SORL1: variants seen among roughly 807,000 people sequenced by gnomAD.
SORL1 encodes sortilin-related receptor.
Under a neutral mutation model 273.7 loss-of-function variants are expected in SORL1, and 127 were observed. That is an observed-to-expected ratio of 0.46 (90% confidence interval 0.40 to 0.54). The LOEUF is 0.54. SORL1 is among the 20% of genes least tolerant of loss of function. The pLI is 0.00. For synonymous variants in SORL1, 1,031 were observed against 1,067.4 expected (o/e 0.97, Z 0.66); for missense variants, 2,494 against 2,846.1 (o/e 0.88, Z 2.81).
In SORL1 at chr11:121,554,008, G is replaced by T; in HGVS notation, c.2338G>T (p.Glu780Ter). 1 of 1,614,164 alleles carries T rather than the reference G, an allele frequency of 6.2e-7. No individual in the cohort carries two copies. Among genetic ancestry groups the T allele is most frequent in the Non-Finnish European group, 8.5e-7 (1 of 1,180,002 alleles). ...CTATGACCTGGCCTCGGGAGCCACC[G>T]AGCAGTTGCCTCTCACCGGGCTACG... The part of the protein sequence containing the change: ...YRYDLASGAT[E>*]QLPLTGLRAA... The change falls in exon 17 of 48, where the codon GAG becomes TAG. Residue 780 changes from glutamate (E) to a stop codon, truncating the protein, a stop_gained. Coordinates refer to ENST00000260197, the MANE Select transcript of SORL1 (RefSeq NM_003105.6). LOFTEE classifies it high-confidence loss of function. The surrounding 1 kb of genome is among the most constrained non-coding windows in gnomAD (Gnocchi z 4.6).
At chr11:121,524,956 C>CT (rs1257891211) in intron 11 of SORL1, among the ~76,000 whole-genome samples, 6 of 151,562 alleles carry the variant, frequency 4.0e-5, no homozygotes, top group Non-Finnish European at 7.4e-5. Flanking sequence ...TTATTTTTAG[C>CT]TTTTTTCTGT....
chr11:121,626,527 G>C (rs1380005278), intron 46 of SORL1: 1 of 152,038 alleles, frequency 6.6e-6, no homozygotes, highest in East Asian at 1.9e-4. Context: ...TGTTAGATTA[G>C]GTTTGCAAGA....
rs759776103 is a variant in SORL1, at chr11:121,550,633, G to A, written c.2229G>A (p.Ala743=). Residue 743 remains alanine (A), a synonymous_variant, in exon 16 of 48, where the codon GCG becomes GCA. Coordinates refer to ENST00000260197, the MANE Select transcript of SORL1 (RefSeq NM_003105.6). The surrounding 1 kb of genome is among the most constrained non-coding windows in gnomAD (Gnocchi z 5.3). ...GDTCSGGDVE[A]RLEGELVPCP... is the part of the protein sequence containing the mutation. ...CTTGTAGCGGAGGAGATGTTGAAGCGCGACTGGAAGGAGAGCTGGTCCCCT... is the reference window on the plus strand; with the variant it reads ...CTTGTAGCGGAGGAGATGTTGAAGCACGACTGGAAGGAGAGCTGGTCCCCT... 26 of 1,614,032 alleles carry A rather than the reference G, an allele frequency of 1.6e-5. No individual in the cohort carries two copies. The Admixed American group carries it at 1.7e-4, about 10-fold the overall frequency.
rs887640233 is a variant in SORL1 at position 121,627,477 on chromosome 11, G to T, written c.6365-78G>T. 3.3e-5 allele frequency: 39 copies of T among 1,194,380 alleles called. No individual in the cohort carries two copies. The highest frequency in any genetic ancestry group is 4.7e-5 in the Non-Finnish European group (38 of 812,182). The allele number at this position is 1,194,380 out of a possible 1,614,324, so 74.0% of individuals were successfully genotyped here. The stretch of plus-strand genomic sequence containing the variant: ...TGGCTATCGCCCAGCTTTTTTTGGT[G>T]GGTGGGGCCTTGAGGAGTCATCTGG... On this transcript the variant is annotated intron_variant, in intron 46 of 47. Transcript: ENST00000260197. This position sits in a 1 kb window ranked among gnomAD's most constrained non-coding sequence, Gnocchi z 4.9.
intron 6 of SORL1, 149 bp downstream of exon 6, chr11:121,497,198 A>G: frequency 5.7e-6 from 4 of 702,196 alleles, no homozygotes; most frequent in Non-Finnish European, 9.4e-6. Context: ...CATTGACAAC[A>G]TTGACGAACA....
Position 121,550,529 on chromosome 11 carries a change from C to A in SORL1, c.2181-56C>A. 1 of 1,477,184 alleles carries A rather than the reference C, an allele frequency of 6.8e-7. No homozygotes were observed. Among genetic ancestry groups the A allele is most frequent in the Non-Finnish European group, 9.5e-7 (1 of 1,055,958 alleles). The allele number at this position is 1,477,184 out of a possible 1,614,324, so 91.5% of individuals were successfully genotyped here. ...AGTAAGTGTATTCCCAGCTGGGATG[C>A]CTTTGTGGCTATTCTTCCATGTTTC... On this transcript the variant is annotated intron_variant, in intron 15 of 47. Transcript: ENST00000260197. The surrounding 1 kb of genome is among the most constrained non-coding windows in gnomAD (Gnocchi z 5.3).
At chr11:121,473,067 G>A (rs1410624435) in intron 2 of SORL1, among the ~76,000 whole-genome samples, 1 of 152,162 alleles carries the variant, frequency 6.6e-6, no homozygotes, top group African/African-American at 2.4e-5. Flanking sequence ...TACAAACTGT[G>A]TTAAAGGATT....
chr11:121,492,576 T>C (rs1441536330), intron 5 of SORL1, among the ~76,000 whole-genome samples: 1 of 152,188 alleles, frequency 6.6e-6, no homozygotes, highest in African/African-American at 2.4e-5. Flanking sequence ...GCAAGGACTT[T>C]TGTAAGTTTT....
chr11:121,574,192 G>A, intron 23 of SORL1, 49 bp from the exon 24 acceptor site: 1 of 1,588,140 alleles, frequency 6.3e-7, no homozygotes, highest in Non-Finnish European at 8.6e-7. Flanking sequence ...TACATTTGTG[G>A]GAAATCAATT....
chr11:121,540,151 C>A (rs1030683961), intron 12 of SORL1, among the ~76,000 whole-genome samples: 4 of 152,104 alleles, frequency 2.6e-5, no homozygotes, highest in Non-Finnish European at 1.5e-5. Flanking sequence ...GAAACCTGAA[C>A]TCATCAGGAA....
intron 1 of SORL1, among the ~76,000 whole-genome samples, chr11:121,466,879 C>T (rs1861089597): frequency 6.6e-6 from 1 of 152,002 alleles, no homozygotes; most frequent in African/African-American, 2.4e-5. Context: ...GATTTTATCC[C>T]CCTACTGGGC....
At chr11:121,604,131 G>A in intron 32 of SORL1, 62 bp from the exon 33 acceptor site, 1 of 1,586,170 alleles carries the variant, frequency 6.3e-7, no homozygotes, top group Non-Finnish European at 8.6e-7. Flanking sequence ...ATAAACTTGG[G>A]CCCAGCCTTT....
rs1316160884 is a variant in SORL1 at position 121,618,807 on chromosome 11, G to A, written c.5638G>A (p.Asp1880Asn). 6.2e-7 allele frequency: 1 copy of A among 1,614,066 alleles called. No individual in the cohort carries two copies. The highest frequency in any genetic ancestry group is 2.2e-5 in the East Asian group (1 of 44,882). The change falls in exon 42 of 48, where the codon GAC (aspartate) becomes AAC (asparagine). Residue 1880 changes from aspartate (D) to asparagine (N), a missense_variant. Asp to Asn is a conservative substitution (Grantham distance 23, BLOSUM62 1). Transcript: ENST00000260197. ...YGIFYATSFL[D>N]LYRNPKSLTT... ...TATTTTCTATGCCACGTCCTTTCTTGACCTCTATCGCAACCCGAAGAGCTT... is the reference window on the plus strand; with the variant it reads ...TATTTTCTATGCCACGTCCTTTCTTAACCTCTATCGCAACCCGAAGAGCTT...
chr11:121,482,862 C>T (rs1861414578), intron 3 of SORL1, among the ~76,000 whole-genome samples: 2 of 152,234 alleles, frequency 1.3e-5, no homozygotes, highest in African/African-American at 4.8e-5. Flanking sequence ...AGCGCGGCAT[C>T]CAGTTCCAGT....
In SORL1 at chr11:121,586,221, GAGA is replaced by G. The variant is rs767745785; in HGVS notation, c.3712_3714del (p.Lys1238del). ...TTCTGTGTTGTTGAATTCTATTTCA[GAGA>G]AGAAGTGCAATGGATTCCGCTGCCC... On this transcript the variant is annotated inframe_deletion and splice_region_variant, in exon 27 of 48. Transcript: ENST00000260197. 2 of 1,607,508 alleles carry G rather than the reference GAGA, an allele frequency of 1.2e-6. No homozygotes were observed. Among genetic ancestry groups the G allele is most frequent in the South Asian group, 2.2e-5 (2 of 90,962 alleles).
At chr11:121,579,974 G>C (rs1371051711) in intron 25 of SORL1, among the ~76,000 whole-genome samples, 4 of 152,126 alleles carry the variant, frequency 2.6e-5, no homozygotes, top group African/African-American at 9.7e-5. Context: ...TATTTTCATA[G>C]AATTCTTCCA....
chr11:121,486,886 G>T (rs186065023), intron 3 of SORL1, among the ~76,000 whole-genome samples: 1 of 151,996 alleles, frequency 6.6e-6, no homozygotes, highest in Non-Finnish European at 1.5e-5. Flanking sequence ...TCCTGAGCCC[G>T]GGGAGGTCAA....
intron 18 of SORL1, among the ~76,000 whole-genome samples, chr11:121,555,968 A>C (rs1862576020): frequency 6.6e-6 from 1 of 152,196 alleles, no homozygotes. Context: ...TGGGAAGTGC[A>C]GTAGAAGCAG....
intron 5 of SORL1, among the ~76,000 whole-genome samples, chr11:121,492,057 G>T (rs954096648): frequency 6.6e-6 from 1 of 152,020 alleles, no homozygotes; most frequent in Non-Finnish European, 1.5e-5. Context: ...CCCACCTTAG[G>T]ATCCTATTTA....
Sources: gnomAD v4.1 joint callset for allele counts (sites outside exome capture counted in the v4.1 genomes callset) on GRCh38, gnomAD v4.1.1 for gene constraint, Gnocchi (gnomAD v3.1) non-coding constraint, MANE v1.5 for transcripts, NCBI Gene and HGNC (gene_info 2026-07-23, HGNC 2026-07-21) for gene names.